The following PLA2G4E variants were observed in gnomAD, a reference collection of about 807,000 sequenced individuals.
PLA2G4E encodes the protein cytosolic phospholipase A2 epsilon.
PLA2G4E carries 84 observed loss-of-function variants against 109.1 expected under a neutral mutation model. The observed-to-expected ratio is 0.77, with a 90% CI of 0.65 to 0.92. The LOEUF (loss-of-function observed/expected upper bound fraction) is 0.92. Among genes scored for constraint, PLA2G4E ranks in the 40% least tolerant of loss-of-function variants. PLA2G4E has a pLI of 0.00. For missense variants in PLA2G4E, 1,057 were observed against 1,076.6 expected, an observed-to-expected ratio of 0.98 and a Z score of 0.25; for synonymous variants, 469 against 436.1, an observed-to-expected ratio of 1.08 and a Z score of -0.94.
chr15:41,986,032 A>G (rs1207835316), intron 17 of PLA2G4E, 27 bp from the exon 18 acceptor site: 2 of 1,568,176 alleles, frequency 1.3e-6, no homozygotes, highest in Non-Finnish European at 1.7e-6. Flanking sequence ...CCCGTTACCA[A>G]CACACCTGGT....
chr15:41,987,463 C>T, intron 16 of PLA2G4E, 88 bp from the exon 17 acceptor site: 2 of 1,292,686 alleles, frequency 1.5e-6, no homozygotes, highest in Non-Finnish European at 2.2e-6. Context: ...TGCCTGGCAC[C>T]CAGGGGTGAG....
chr15:42,026,067 C>T (rs983252091), intron 1 of PLA2G4E, among the ~76,000 whole-genome samples: 5 of 152,014 alleles, frequency 3.3e-5, no homozygotes, highest in Non-Finnish European at 7.4e-5. Context: ...GCAAAAGATG[C>T]CATAAGCAGA....
At position 41,987,438 on chromosome 15, in the gene PLA2G4E, G is replaced by A. The variant is rs142995734; in HGVS notation, c.1832-63C>T. On this transcript the variant is annotated intron_variant, in intron 16 of 19. Transcript: ENST00000399518. Reference sequence around the variant, plus strand: ...GGTGGAGTCCCCAGATTGCCTATGCGAAGCCCCACATGGTTGCCTGGCACC... The same window carrying A: ...GGTGGAGTCCCCAGATTGCCTATGCAAAGCCCCACATGGTTGCCTGGCACC... 764 of 1,503,924 alleles carry A rather than the reference G, an allele frequency of 5.1e-4. 4 individuals are homozygous for A. In the African/African-American group the frequency reaches 9.0e-3, roughly 18 times the overall value. The allele number at this position is 1,503,924 out of a possible 1,614,324, so 93.2% of individuals were successfully genotyped here.
chr15:42,004,764 A>T lies in PLA2G4E; in HGVS notation c.566+174T>A, dbSNP rs74627546. On this transcript the variant is annotated intron_variant, in intron 5 of 19. Transcript: ENST00000399518. ...GCAGTGGGGCCCAGGCTCCTACACT[A>T]TGGAGAAGCTCCTGGGTGATTCTGA... Among the ~76,000 whole-genome samples the T allele has an allele frequency of 6.6e-3, 1,006 of 152,294 alleles. 13 individuals are homozygous for T. Among genetic ancestry groups the T allele is most frequent in the African/African-American group, 0.023 (970 of 41,550 alleles).
Position 41,996,350 on chromosome 15 carries a change from GAAAAAAAAAAAAAA to G in PLA2G4E, c.1110+760_1110+773del, listed in dbSNP as rs34559872. On this transcript the variant is annotated intron_variant, in intron 11 of 19. Coordinates refer to ENST00000399518, the Ensembl canonical transcript of PLA2G4E. ...GTGACAGAGCAAGACCCTGTCTCAA[GAAAAAAAAAAAAAA>G]AAAAAAAAAAAAAAAGGAGGGAGGA... Among the ~76,000 whole-genome samples the G allele has an allele frequency of 1.9e-4, 14 of 75,104 alleles. No individual in the cohort carries two copies. In the South Asian group the frequency reaches 1.9e-3, roughly 10 times the overall value. The allele number at this position is 75,104 out of a possible 152,430, so 49.3% of individuals were successfully genotyped here.
At chr15:42,014,175 A>C (rs2141057893) in intron 1 of PLA2G4E, among the ~76,000 whole-genome samples, 2 of 152,156 alleles carry the variant, frequency 1.3e-5, no homozygotes, top group South Asian at 4.1e-4. Context: ...TACAGGCATG[A>C]GCCACCACGC....
In PLA2G4E at chr15:42,001,347, A is replaced by G. The variant is rs994621913; in HGVS notation, c.610-127T>C. ...TGGTCTGACTGGGCTGATGCTGGGG[A>G]ATGCAGAATGTGTTGACCACATTTT... On this transcript the variant is annotated intron_variant, in intron 6 of 19. Transcript: ENST00000399518. The G allele has an allele frequency of 1.2e-5, 10 of 848,848 alleles. No homozygotes were observed. In the African/African-American group the frequency reaches 1.2e-4, roughly 10 times the overall value. The allele number at this position is 848,848 out of a possible 1,614,324, so 52.6% of individuals were successfully genotyped here.
At chr15:42,001,846 C>A (rs1040506657) in intron 6 of PLA2G4E, among the ~76,000 whole-genome samples, 9 of 152,102 alleles carry the variant, frequency 5.9e-5, no homozygotes, top group Admixed American at 3.3e-4. Flanking sequence ...CACATGCTAC[C>A]ATGCCTGGCT....
At chr15:41,988,709 A>G (rs1456221699) in intron 15 of PLA2G4E, among the ~76,000 whole-genome samples, 1 of 152,214 alleles carries the variant, frequency 6.6e-6, no homozygotes, top group African/African-American at 2.4e-5. Context: ...TTCAGAGTTC[A>G]AGCCCACGTG....
At chr15:42,013,644 T>C in intron 2 of PLA2G4E, 41 bp downstream of exon 2, 2 of 1,477,028 alleles carry the variant, frequency 1.4e-6, no homozygotes, top group Non-Finnish European at 1.8e-6. Context: ...TCCATCCAGA[T>C]CCGGTAAGCA....
chr15:42,029,150 G>T lies in PLA2G4E; in HGVS notation c.184-15393C>A, dbSNP rs146720351. On this transcript the variant is annotated intron_variant, in intron 1 of 19. Coordinates refer to ENST00000399518, the Ensembl canonical transcript of PLA2G4E. ...TCTGTTGCCCAGACTGGAGTGCAGT[G>T]GCGCGATCTCAGCTCATTGCAACCT... Among the ~76,000 whole-genome samples the T allele has an allele frequency of 5.2e-3, 790 of 152,276 alleles. 9 individuals are homozygous for T. The highest frequency in any genetic ancestry group is 0.018 in the African/African-American group (763 of 41,530).
At chr15:42,013,988 T>C (rs781435572) in intron 1 of PLA2G4E, among the ~76,000 whole-genome samples, 12 of 149,840 alleles carry the variant, frequency 8.0e-5, no homozygotes, top group Non-Finnish European at 1.5e-4. Context: ...GCCTCCCAGG[T>C]TCTAGTGATT....
intron 4 of PLA2G4E, among the ~76,000 whole-genome samples, chr15:42,005,661 G>T (rs1276676108): frequency 6.6e-6 from 1 of 152,242 alleles, no homozygotes; most frequent in Non-Finnish European, 1.5e-5. Flanking sequence ...AGAAAAGGAG[G>T]GAAGGGAACC....
intron 15 of PLA2G4E, 106 bp downstream of exon 15, chr15:41,989,309 A>T: frequency 6.8e-7 from 1 of 1,478,892 alleles, no homozygotes; most frequent in Non-Finnish European, 9.2e-7. Context: ...CTAGGATGAG[A>T]CAATGCTGGC....
intron 1 of PLA2G4E, among the ~76,000 whole-genome samples, chr15:42,048,854 G>A (rs910794707): frequency 6.6e-6 from 1 of 152,202 alleles, no homozygotes; most frequent in South Asian, 2.1e-4. Context: ...ACTTGAATGA[G>A]GCCAATAATT....
exon 11 of PLA2G4E, chr15:41,997,231 A>G: frequency 6.5e-7 from 1 of 1,549,692 alleles, no homozygotes; most frequent in Non-Finnish European, 8.7e-7. Flanking sequence ...CACAGGCTGA[A>G]GCCCAGCCGC....
intron 2 of PLA2G4E, among the ~76,000 whole-genome samples, chr15:42,013,342 C>T (rs1006162008): frequency 6.6e-6 from 1 of 152,204 alleles, no homozygotes; most frequent in African/African-American, 2.4e-5. Context: ...GTGGGCAAAG[C>T]GGGTGCTCTT....
chr15:42,026,983 AAAG>A (rs1003463180), intron 1 of PLA2G4E, among the ~76,000 whole-genome samples: 31 of 145,712 alleles, frequency 2.1e-4, no homozygotes, highest in East Asian at 1.6e-3. Context: ...AAAAAAAAAA[AAAG>A]AAAGAAAGAA....
chr15:42,014,955 G>A (rs1311653062), intron 1 of PLA2G4E, among the ~76,000 whole-genome samples: 1 of 152,064 alleles, frequency 6.6e-6, no homozygotes, highest in East Asian at 1.9e-4. Flanking sequence ...CCTAACAACT[G>A]GGGTGTGGGA....
Sources: allele counts gnomAD v4.1 joint callset (sites outside exome capture counted in the v4.1 genomes callset), GRCh38; gene constraint gnomAD v4.1.1; transcripts MANE v1.5; gene names NCBI Gene and HGNC (gene_info 2026-07-23, HGNC 2026-07-21).